The following ELF1 variants were observed in gnomAD, a reference collection of about 807,000 sequenced individuals.
The protein encoded by ELF1 is ETS-related transcription factor Elf-1.
In ELF1, 24 loss-of-function variants were observed where a neutral mutation model predicts 59.9. The ratio of observed to expected loss-of-function variants is 0.40; its 90% CI spans 0.29 to 0.56. The LOEUF (loss-of-function observed/expected upper bound fraction) is 0.56. Among genes scored for constraint, ELF1 ranks in the 20% least tolerant of loss-of-function variants. The pLI is 0.44. For missense variants in ELF1, 627 were observed against 742.2 expected, an observed-to-expected ratio of 0.84 and a Z score of 1.80; for synonymous variants, 248 against 266.2, an observed-to-expected ratio of 0.93 and a Z score of 0.67.
chr13:41,012,369 T>C (rs1234290088), intron 1 of ELF1, among the ~76,000 whole-genome samples: 1 of 150,652 alleles, frequency 6.6e-6, no homozygotes, highest in African/African-American at 2.4e-5. Context: ...CAAAGAGGAT[T>C]CATCTATCTA....
chr13:40,940,867 T>C, intron 8 of ELF1, 54 bp downstream of exon 8: 1 of 1,513,442 alleles, frequency 6.6e-7, no homozygotes, highest in Non-Finnish European at 8.9e-7. Context: ...ACAAATAATG[T>C]CTCTGGTCAG....
intron 8 of ELF1, among the ~76,000 whole-genome samples, chr13:40,934,487 A>T (rs1472464000): frequency 8.0e-6 from 1 of 124,774 alleles, no homozygotes; most frequent in Non-Finnish European, 1.6e-5. Flanking sequence ...CAGTGGCGTG[A>T]TCTTGGCTCA....
intron 2 of ELF1, among the ~76,000 whole-genome samples, chr13:40,971,109 TATAG>T (rs148328873): frequency 0.072 from 10,986 of 152,196 alleles, 572 homozygotes; most frequent in Middle Eastern, 0.12. Context: ...TACAGGATCC[TATAG>T]ATAAACTACT....
chr13:41,026,374 G>A (rs867500678), intron 1 of ELF1, among the ~76,000 whole-genome samples: 4 of 152,134 alleles, frequency 2.6e-5, no homozygotes, highest in African/African-American at 4.8e-5. Context: ...GTGTTACTCC[G>A]GCCCAATTAC....
intron 1 of ELF1, among the ~76,000 whole-genome samples, chr13:40,991,671 T>A (rs1036391349): frequency 6.6e-6 from 1 of 152,178 alleles, no homozygotes; most frequent in African/African-American, 2.4e-5. Flanking sequence ...TAATTGTCAA[T>A]CTCTTATATC....
intron 1 of ELF1, among the ~76,000 whole-genome samples, chr13:41,018,768 C>T (rs1403855928): frequency 6.6e-6 from 1 of 152,022 alleles, no homozygotes; most frequent in Admixed American, 6.6e-5. Context: ...GCTGAGTTGT[C>T]CCAAAACTTC....
chr13:41,047,666 G>A (rs1047197124), intron 1 of ELF1, among the ~76,000 whole-genome samples: 7 of 152,202 alleles, frequency 4.6e-5, no homozygotes, highest in Admixed American at 2.0e-4. Flanking sequence ...GTACCTGGCC[G>A]TGTGAGGTGT....
In ELF1 at chr13:40,933,812, C is replaced by G. The variant is rs138161971; in HGVS notation, c.1473G>C (p.Ala491=). The G allele has an allele frequency of 8.9e-5, 143 of 1,614,240 alleles. 3 individuals are homozygous for G. In the Middle Eastern group the frequency reaches 7.3e-3, roughly 82 times the overall value. ...CCAAGACAATTGAAGGAGGAGAGCCCGCCTTTTGTGACTGCAGCATGACAT... is the reference window on the plus strand; with the variant it reads ...CCAAGACAATTGAAGGAGGAGAGCCGGCCTTTTGTGACTGCAGCATGACAT... ...KENVMLQSQK[A]GSPPSIVLGP... The change falls in exon 9 of 9, where the codon GCG becomes GCC. Residue 491 remains alanine (A), a synonymous_variant. Transcript: ENST00000239882.
At chr13:40,968,218 A>T (rs1287191125) in intron 2 of ELF1, among the ~76,000 whole-genome samples, 3 of 152,234 alleles carry the variant, frequency 2.0e-5, no homozygotes, top group Non-Finnish European at 2.9e-5. Context: ...ACTTCAAAAC[A>T]TCTTCAAAAT....
chr13:41,060,493 C>A (rs952779983), intron 1 of ELF1, among the ~76,000 whole-genome samples: 6 of 152,120 alleles, frequency 3.9e-5, no homozygotes, highest in Non-Finnish European at 5.9e-5. Flanking sequence ...CCCTCAGGGC[C>A]CACCAGCCCC....
At chr13:41,052,888 T>C (rs1404168010) in intron 1 of ELF1, among the ~76,000 whole-genome samples, 1 of 152,210 alleles carries the variant, frequency 6.6e-6, no homozygotes, top group African/African-American at 2.4e-5. Flanking sequence ...TCACTTACAA[T>C]TACACAGCAC....
intron 1 of ELF1, among the ~76,000 whole-genome samples, chr13:41,011,260 C>A (rs1875046190): frequency 6.6e-6 from 1 of 152,168 alleles, no homozygotes; most frequent in Non-Finnish European, 1.5e-5. Context: ...TGGGATAATT[C>A]TGAAGATGAA....
rs948462825 is a variant in ELF1 at position 40,993,326 on chromosome 13, T to C, written c.-228-11044A>G. 8 of 1,447,400 alleles carry C rather than the reference T, an allele frequency of 5.5e-6. No homozygotes were observed. The African/African-American group carries it at 7.0e-5, about 13-fold the overall frequency. 89.7% of individuals were successfully genotyped at this position (1,447,400 alleles called of 1,614,324 possible). On this transcript the variant is annotated intron_variant, in intron 1 of 8. Transcript: ENST00000239882. ...CCTTCATTTTGGGACTGCTGCCTTTTTCACATTTCAGCTACAAGACCCAAT... is the reference window on the plus strand; with the variant it reads ...CCTTCATTTTGGGACTGCTGCCTTTCTCACATTTCAGCTACAAGACCCAAT...
At position 40,990,734 on chromosome 13, in the gene ELF1, A is replaced by T. The variant is rs193162454; in HGVS notation, c.-228-8452T>A. Among the ~76,000 whole-genome samples the T allele has an allele frequency of 5.7e-3, 861 of 151,370 alleles. 8 individuals carry two copies. The highest frequency in any genetic ancestry group is 0.013 in the South Asian group (63 of 4,770). On this transcript the variant is annotated intron_variant, in intron 1 of 8. Transcript: ENST00000239882. ...GCCGGGCTTGGTGGTGTGTGCCTGT[A>T]GTCCCAGCTACTCGGGAGGCTGGGG...
At chr13:41,052,708 CCT>C (rs1379447051) in intron 1 of ELF1, among the ~76,000 whole-genome samples, 1 of 151,582 alleles carries the variant, frequency 6.6e-6, no homozygotes, top group African/African-American at 2.4e-5. Flanking sequence ...AGAGAGACTC[CCT>C]GTCTCAATAA....
intron 3 of ELF1, among the ~76,000 whole-genome samples, chr13:40,955,921 G>A (rs1443768584): frequency 6.2e-5 from 7 of 113,232 alleles, no homozygotes; most frequent in Non-Finnish European, 9.4e-5. Context: ...CCCCCCGCCC[G>A]GCCAGCCGCC....
intron 1 of ELF1, among the ~76,000 whole-genome samples, chr13:41,014,085 T>G (rs1161638541): frequency 6.6e-6 from 1 of 151,852 alleles, no homozygotes; most frequent in East Asian, 1.9e-4. Flanking sequence ...ATATATAGAG[T>G]AGAACACAGG....
chr13:41,014,453 G>A (rs535220143), intron 1 of ELF1, among the ~76,000 whole-genome samples: 2 of 152,216 alleles, frequency 1.3e-5, no homozygotes, highest in Admixed American at 1.3e-4. Flanking sequence ...AGCACACAAT[G>A]AGTTATTTTC....
rs771428204 is a variant in ELF1 at position 40,982,066 on chromosome 13, C to A, written c.-12G>T. 1 of 1,604,270 alleles carries A rather than the reference C, an allele frequency of 6.2e-7. No individual in the cohort carries two copies. Among genetic ancestry groups the A allele is most frequent in the Non-Finnish European group, 8.5e-7 (1 of 1,176,150 alleles). ...ACAACAGCAGCCATAATAAAGCATT[C>A]CCCTTAGATCCACATGAGAAAAATT... is the stretch of plus-strand genomic sequence containing the variant. On this transcript the variant is annotated 5_prime_UTR_variant, in exon 2 of 9. Coordinates refer to ENST00000239882, the MANE Select transcript of ELF1 (RefSeq NM_172373.4).
Sources: gnomAD v4.1 joint callset for allele counts (sites outside exome capture counted in the v4.1 genomes callset) on GRCh38, gnomAD v4.1.1 for gene constraint, MANE v1.5 for transcripts, NCBI Gene and HGNC (gene_info 2026-07-23, HGNC 2026-07-21) for gene names.